CGNL1: variants seen among roughly 807,000 people sequenced by gnomAD.
CGNL1 encodes cingulin like 1, also known as cingulin-like protein 1.
A neutral mutation model predicts 141.2 loss-of-function variants in CGNL1; 132 were observed. The ratio of observed to expected loss-of-function variants is 0.93; its 90% CI spans 0.81 to 1.08. The LOEUF (loss-of-function observed/expected upper bound fraction) is 1.08, where lower values mean the gene tolerates loss of function less well. Among genes scored for constraint, CGNL1 ranks in the 50% least tolerant of loss-of-function variants. The probability of loss-of-function intolerance (pLI) is 0.00; values close to 1 mark genes in which losing one functional copy is unlikely to be tolerated. For synonymous variants in CGNL1, 690 were observed against 622.1 expected, an observed-to-expected ratio of 1.11 and a Z score of -1.63; for missense variants, 1,870 against 1,588.6, an observed-to-expected ratio of 1.18 and a Z score of -3.01.
intron 12 of CGNL1, among the ~76,000 whole-genome samples, chr15:57,527,973 A>G (rs1247767397): frequency 6.6e-6 from 1 of 152,238 alleles, no homozygotes; most frequent in African/African-American, 2.4e-5. Flanking sequence ...GACATTTTGC[A>G]TTCAGCTGAG....
chr15:57,516,429 G>C (rs1238499265), intron 8 of CGNL1, among the ~76,000 whole-genome samples: 1 of 152,154 alleles, frequency 6.6e-6, no homozygotes, highest in African/African-American at 2.4e-5. Flanking sequence ...CACAGGCAAG[G>C]GTTGGCAAAC....
chr15:57,485,392 T>C (rs1202924181), intron 8 of CGNL1, among the ~76,000 whole-genome samples: 2 of 152,218 alleles, frequency 1.3e-5, no homozygotes, highest in Non-Finnish European at 2.9e-5. Flanking sequence ...AAATAGTAAA[T>C]ATGAATCAAC....
intron 13 of CGNL1, among the ~76,000 whole-genome samples, chr15:57,530,951 A>G (rs1009339313): frequency 2.6e-5 from 4 of 152,330 alleles, no homozygotes; most frequent in South Asian, 2.1e-4. Flanking sequence ...ACTTAGACCT[A>G]TGACAGATTG....
intron 1 of CGNL1, 141 bp from the exon 2 acceptor site, chr15:57,437,844 G>A (rs1302858820): frequency 2.4e-6 from 2 of 834,826 alleles, no homozygotes; most frequent in Non-Finnish European, 3.8e-6. Flanking sequence ...TTCAGCACTT[G>A]GTTCTGAGGT....
At chr15:57,418,774 G>A (rs1483251904) in intron 1 of CGNL1, among the ~76,000 whole-genome samples, 1 of 152,154 alleles carries the variant, frequency 6.6e-6, no homozygotes, top group Non-Finnish European at 1.5e-5. Context: ...GCAGTGTTCT[G>A]AGACCTGACC....
intron 10 of CGNL1, among the ~76,000 whole-genome samples, chr15:57,519,479 G>A (rs1393454474): frequency 1.3e-5 from 2 of 152,126 alleles, no homozygotes; most frequent in Non-Finnish European, 2.9e-5. Flanking sequence ...AGCCTAGCTT[G>A]GGGACTCTCC....
intron 1 of CGNL1, among the ~76,000 whole-genome samples, chr15:57,413,322 G>C (rs1256175474): frequency 7.0e-6 from 1 of 142,998 alleles, no homozygotes; most frequent in East Asian, 2.3e-4. Flanking sequence ...GCCTATGCTG[G>C]AGTGCAGTGG....
chr15:57,486,281 C>G (rs1415863167), intron 8 of CGNL1, among the ~76,000 whole-genome samples: 6 of 152,114 alleles, frequency 3.9e-5, no homozygotes, highest in South Asian at 4.1e-4. Flanking sequence ...AAAATGTTAA[C>G]CAAACTTTAG....
chr15:57,492,016 T>C (rs1415483613), intron 8 of CGNL1, among the ~76,000 whole-genome samples: 1 of 152,120 alleles, frequency 6.6e-6, no homozygotes, highest in African/African-American at 2.4e-5. Flanking sequence ...CTGAATGGGA[T>C]CAAGAGCTGG....
At chr15:57,482,478 T>G (rs1357535603) in intron 8 of CGNL1, among the ~76,000 whole-genome samples, 2 of 152,210 alleles carry the variant, frequency 1.3e-5, no homozygotes, top group Non-Finnish European at 2.9e-5. Flanking sequence ...AGGTGGAAGT[T>G]TAGTTTGAGG....
intron 8 of CGNL1, among the ~76,000 whole-genome samples, chr15:57,498,255 T>TTTC (rs1555445025): frequency 6.8e-6 from 1 of 147,506 alleles, no homozygotes; most frequent in East Asian, 2.0e-4. Context: ...GTTTTTTTTT[T>TTTC]TTTTTTTTTT....
intron 7 of CGNL1, among the ~76,000 whole-genome samples, chr15:57,456,889 C>T (rs553955915): frequency 1.3e-5 from 2 of 152,206 alleles, no homozygotes; most frequent in East Asian, 1.9e-4. Flanking sequence ...ACTTCAGTCT[C>T]ATTAAAATAG....
chr15:57,520,782 C>G (rs2031200693), intron 10 of CGNL1, among the ~76,000 whole-genome samples: 1 of 152,090 alleles, frequency 6.6e-6, no homozygotes, highest in African/African-American at 2.4e-5. Flanking sequence ...AAAAAGGGCC[C>G]AAGGCTTGCA....
Position 57,546,149 on chromosome 15 carries a change from C to G in CGNL1, c.3683C>G (p.Ser1228Cys), listed in dbSNP as rs1432689736. The G allele has an allele frequency of 3.7e-6, 6 of 1,613,582 alleles. No individual in the cohort carries two copies. The highest frequency in any genetic ancestry group is 1.3e-5 in the African/African-American group (1 of 74,902). The change falls in exon 18 of 19, where the codon TCT (serine) becomes TGT (cysteine). Residue 1228 changes from serine (S) to cysteine (C), a missense_variant. Physicochemically the swap from Ser to Cys is moderately radical, Grantham distance 112 (BLOSUM62 -1). Coordinates refer to ENST00000281282, the MANE Select transcript of CGNL1 (RefSeq NM_032866.5). ...AEEEIDRLES[S>C]KKKLQRELEE... ...GAGGAAATCGACAGACTGGAAAGTTCTAAAAAGAAGCTGCAGAGGGAGCTG... is the reference window on the plus strand; with the variant it reads ...GAGGAAATCGACAGACTGGAAAGTTGTAAAAAGAAGCTGCAGAGGGAGCTG...
At position 57,417,790 on chromosome 15, in the gene CGNL1, T is replaced by C. The variant is rs556316087; in HGVS notation, c.-15-20195T>C. ...TACAGATGGATGATGGAGACAAATATTAATTAAAACAAAAATCATCTAAAT... is the reference window on the plus strand; with the variant it reads ...TACAGATGGATGATGGAGACAAATACTAATTAAAACAAAAATCATCTAAAT... On this transcript the variant is annotated intron_variant, in intron 1 of 18. Transcript: ENST00000281282. Among the ~76,000 whole-genome samples the C allele has an allele frequency of 3.9e-5, 6 of 152,228 alleles. No homozygotes were observed. In the South Asian group the frequency reaches 8.3e-4, roughly 21 times the overall value.
intron 4 of CGNL1, among the ~76,000 whole-genome samples, chr15:57,449,858 A>AT (rs2063300776): frequency 6.6e-6 from 1 of 151,978 alleles, no homozygotes; most frequent in African/African-American, 2.4e-5. Flanking sequence ...AGTAGTGTGC[A>AT]TTTTTTCCCA....
At chr15:57,499,727 T>C (rs1317014244) in intron 8 of CGNL1, among the ~76,000 whole-genome samples, 2 of 152,240 alleles carry the variant, frequency 1.3e-5, no homozygotes, top group East Asian at 3.8e-4. Flanking sequence ...CTGCATTACA[T>C]AATTGATTCT....
At chr15:57,396,268 T>A (rs1302803187) in intron 1 of CGNL1, among the ~76,000 whole-genome samples, 1 of 143,576 alleles carries the variant, frequency 7.0e-6, no homozygotes, top group Non-Finnish European at 1.5e-5. Context: ...CTACTTACTT[T>A]CTTTCTTTGT....
At chr15:57,459,329 C>A (rs1047833849) in intron 7 of CGNL1, among the ~76,000 whole-genome samples, 2 of 152,158 alleles carry the variant, frequency 1.3e-5, no homozygotes, top group African/African-American at 4.8e-5. Context: ...CTGTATCCTT[C>A]TTTCAACAAG....
Sources: gnomAD v4.1 joint callset for allele counts (sites outside exome capture counted in the v4.1 genomes callset) on GRCh38, gnomAD v4.1.1 for gene constraint, MANE v1.5 for transcripts, NCBI Gene and HGNC (gene_info 2026-07-23, HGNC 2026-07-21) for gene names.